Variants in WNT10A observed in about 807,000 individuals in gnomAD.
The protein encoded by WNT10A is Wnt family member 10A.
A neutral mutation model predicts 36.1 loss-of-function variants in WNT10A; 37 were observed. That is an observed-to-expected ratio of 1.02 (90% CI 0.79 to 1.35). WNT10A has a LOEUF of 1.35. Among genes scored for constraint, WNT10A ranks in the 40% most tolerant of loss-of-function variants. WNT10A has a pLI of 0.00. For synonymous variants in WNT10A, 255 were observed against 254.1 expected, an observed-to-expected ratio of 1.00 and a Z score of -0.03; for missense variants, 613 against 601.4, an observed-to-expected ratio of 1.02 and a Z score of -0.20.
chr2:218,876,723 CTCTTA>C (rs112135471), upstream of WNT10A, among the ~76,000 whole-genome samples: 6 of 152,320 alleles, frequency 3.9e-5, no homozygotes, highest in South Asian at 2.1e-4. Flanking sequence ...CAAAGCTCTG[CTCTTA>C]TCTTCAAACA....
intron 3 of WNT10A, among the ~76,000 whole-genome samples, chr2:218,891,264 C>A (rs958181649): frequency 6.6e-6 from 1 of 152,194 alleles, no homozygotes; most frequent in Non-Finnish European, 1.5e-5. Flanking sequence ...AGCGTTGAGT[C>A]CACATTCTGA....
the WNT10A span, among the ~76,000 whole-genome samples, chr2:218,875,462 T>C: frequency 6.6e-6 from 1 of 152,192 alleles, no homozygotes; most frequent in African/African-American, 2.4e-5. Context: ...AGTGCTGGGA[T>C]TACAGGCGTG....
intron 2 of WNT10A, among the ~76,000 whole-genome samples, chr2:218,887,659 A>T (rs1944595207): frequency 6.6e-6 from 1 of 152,200 alleles, no homozygotes; most frequent in South Asian, 2.1e-4. Flanking sequence ...GGCCCAAGTG[A>T]CCTATTCTAA....
At chr2:218,889,650 G>T (rs1481682263) in intron 2 of WNT10A, among the ~76,000 whole-genome samples, 1 of 152,196 alleles carries the variant, frequency 6.6e-6, no homozygotes, top group African/African-American at 2.4e-5. Flanking sequence ...GTCCCTGATT[G>T]TAAAAAGAAT....
chr2:218,891,246 T>A (rs1944647505), intron 3 of WNT10A, among the ~76,000 whole-genome samples: 1 of 152,200 alleles, frequency 6.6e-6, no homozygotes, highest in Non-Finnish European at 1.5e-5. Flanking sequence ...TGTTCTCTTT[T>A]GTTCTACAGC....
intron 2 of WNT10A, among the ~76,000 whole-genome samples, chr2:218,883,124 G>A (rs1400823760): frequency 6.6e-6 from 1 of 152,174 alleles, no homozygotes; most frequent in Non-Finnish European, 1.5e-5. Context: ...ATCCCAGAGT[G>A]GCTTGGGCTG....
intron 2 of WNT10A, among the ~76,000 whole-genome samples, chr2:218,882,902 C>CGGCGGG (rs1171326764): frequency 2.0e-5 from 3 of 152,178 alleles, no homozygotes; most frequent in African/African-American, 7.2e-5. Context: ...AAGCTCTTCC[C>CGGCGGG]GGCGGGGGAC....
intron 2 of WNT10A, chr2:218,884,371 A>ACGACTTG: frequency 7.5e-6 from 1 of 133,776 alleles, no homozygotes; most frequent in Admixed American, 7.4e-5. Context: ...CTGGAGGGGG[A>ACGACTTG]CGACTTGCCG....
upstream of WNT10A, among the ~76,000 whole-genome samples, chr2:218,877,970 C>T (rs984264409): frequency 1.3e-5 from 2 of 152,162 alleles, no homozygotes; most frequent in Admixed American, 6.5e-5. This position sits in a 1 kb window ranked among gnomAD's most constrained non-coding sequence, Gnocchi z 4.1. Flanking sequence ...TTCTCACCCC[C>T]ATGCTTCCCC....
chr2:218,878,985 G>T (rs1944478492), upstream of WNT10A, among the ~76,000 whole-genome samples: 1 of 152,144 alleles, frequency 6.6e-6, no homozygotes, highest in South Asian at 2.1e-4. The surrounding 1 kb of genome is among the most constrained non-coding windows in gnomAD (Gnocchi z 4.1). Context: ...GAGGGCAGGG[G>T]GCAGTTGGGG....
chr2:218,875,340 C>G, the WNT10A span, among the ~76,000 whole-genome samples: 17 of 151,564 alleles, frequency 1.1e-4, no homozygotes, highest in South Asian at 2.7e-3. Context: ...AGGCGCCCAC[C>G]ACCACACTTG....
At chr2:218,878,958 A>G (rs1011147359), upstream of WNT10A, among the ~76,000 whole-genome samples, 3 of 152,094 alleles carry the variant, frequency 2.0e-5, no homozygotes, top group Non-Finnish European at 4.4e-5. This position sits in a 1 kb window ranked among gnomAD's most constrained non-coding sequence, Gnocchi z 4.1. Flanking sequence ...TTTCTGCAGC[A>G]TGGTAGGGAG....
In WNT10A at chr2:218,889,979, C is replaced by G. The variant is rs1944625927; in HGVS notation, c.377-5C>G. 1 of 1,612,372 alleles carries G rather than the reference C, an allele frequency of 6.2e-7. No homozygotes were observed. The highest frequency in any genetic ancestry group is 8.5e-7 in the Non-Finnish European group (1 of 1,180,032). On this transcript the variant is annotated splice_region_variant and splice_polypyrimidine_tract_variant and intron_variant, in intron 2 of 3. Coordinates refer to ENST00000258411, the MANE Select transcript of WNT10A (RefSeq NM_025216.3). Reference sequence around the variant, plus strand: ...AGTCCATGTGTTCTGGGTCTTTAACCACAGGTTTCCGAGAGAGCGCTTTTG... The same window carrying G: ...AGTCCATGTGTTCTGGGTCTTTAACGACAGGTTTCCGAGAGAGCGCTTTTG...
rs1178430575 is a variant in WNT10A, at chr2:218,890,226, G to C, written c.619G>C (p.Asp207His). 8.7e-6 allele frequency: 14 copies of C among 1,613,866 alleles called. No homozygotes were observed. The highest frequency in any genetic ancestry group is 5.0e-5 in the Admixed American group (3 of 60,004). The change falls in exon 3 of 4, where the codon GAC (aspartate) becomes CAC (histidine). Residue 207 changes from aspartate to histidine, a missense_variant. Asp to His is a moderately conservative substitution (Grantham distance 81, BLOSUM62 -1). Coordinates refer to ENST00000258411, the MANE Select transcript of WNT10A (RefSeq NM_025216.3). Reference protein sequence around the residue: ...ALPTASPGLQDSWEWGGCSPD... With the variant: ...ALPTASPGLQHSWEWGGCSPD... ...GCCCACAGCCAGCCCAGGCCTGCAG[G>C]ACTCCTGGGAGTGGGGCGGCTGCAG...
chr2:218,893,208 C>T lies in WNT10A; in HGVS notation c.1191C>T (p.His397=), dbSNP rs1447019141. 2 of 1,576,270 alleles carry T rather than the reference C, an allele frequency of 1.3e-6. No individual in the cohort carries two copies. The highest frequency in any genetic ancestry group is 1.7e-6 in the Non-Finnish European group (2 of 1,167,558). The change falls in exon 4 of 4, where the codon CAC becomes CAT. Residue 397 remains histidine, a synonymous_variant. Transcript: ENST00000258411. This position sits in a 1 kb window ranked among gnomAD's most constrained non-coding sequence, Gnocchi z 6.3. ...TRSERCHCRF[H]WCCFVVCEEC... ...GCGAGCGCTGCCACTGCCGCTTCCA[C>T]TGGTGCTGTTTCGTGGTCTGCGAAG...
chr2:218,890,352 G>A lies in WNT10A; in HGVS notation c.745G>A (p.Val249Ile), dbSNP rs770985751. 1.0e-4 allele frequency: 162 copies of A among 1,599,870 alleles called. No individual in the cohort carries two copies. The Admixed American group carries it at 2.3e-3, about 23-fold the overall frequency. ...HARMRLHNNR[V>I]GRQAVMENMR... ...GAGAATGAGGCTTCACAACAACCGAGTTGGGAGGCAGGTGAGAGCCCCACC... is the reference window on the plus strand; with the variant it reads ...GAGAATGAGGCTTCACAACAACCGAATTGGGAGGCAGGTGAGAGCCCCACC... Residue 249 changes from valine to isoleucine, a missense_variant, in exon 3 of 4, where the codon GTT becomes ATT. Transcript: ENST00000258411.
Position 218,882,250 on chromosome 2 carries a change from G to A in WNT10A, c.203G>A (p.Ser68Asn), listed in dbSNP as rs147129328. The change falls in exon 2 of 4, where the codon AGC becomes AAC. Residue 68 changes from serine to asparagine, a missense_variant. By Grantham distance (46) the Ser-to-Asn change is conservative. Coordinates refer to ENST00000258411, the MANE Select transcript of WNT10A (RefSeq NM_025216.3). ...NTVCLTLPGL[S>N]RRQMEVCVRH... Reference sequence around the variant, plus strand: ...GTGTGCCTAACATTGCCAGGCCTGAGCCGGCGGCAGATGGAGGTGTGTGTG... The same window carrying A: ...GTGTGCCTAACATTGCCAGGCCTGAACCGGCGGCAGATGGAGGTGTGTGTG... The A allele has an allele frequency of 1.9e-6, 3 of 1,614,056 alleles. No individual in the cohort carries two copies. Among genetic ancestry groups the A allele is most frequent in the Non-Finnish European group, 2.5e-6 (3 of 1,180,034 alleles).
chr2:218,886,868 C>A (rs140458637), intron 2 of WNT10A, among the ~76,000 whole-genome samples: 2 of 152,208 alleles, frequency 1.3e-5, no homozygotes, highest in Non-Finnish European at 2.9e-5. Context: ...CACCTCTGCA[C>A]GTGGCTATGA....
Position 218,890,057 on chromosome 2 carries a change from C to T in WNT10A, c.450C>T (p.Ala150=). The stretch of plus-strand genomic sequence containing the variant: ...TGCACGCCGTGTCCAATGCGTGTGC[C>T]CTGGGCAAACTGAAGGCCTGTGGCT... ...GVVHAVSNAC[A]LGKLKACGCD... Residue 150 remains alanine, a synonymous_variant, in exon 3 of 4, where the codon GCC becomes GCT. Transcript: ENST00000258411. 1 of 1,614,080 alleles carries T rather than the reference C, an allele frequency of 6.2e-7. No homozygotes were observed.
Sources: allele counts gnomAD v4.1 joint callset (sites outside exome capture counted in the v4.1 genomes callset), GRCh38; gene constraint gnomAD v4.1.1; non-coding constraint Gnocchi (gnomAD v3.1); transcripts MANE v1.5; gene names NCBI Gene and HGNC (gene_info 2026-07-23, HGNC 2026-07-21).